PTCD3: variants seen among roughly 807,000 people sequenced by gnomAD.
PTCD3 encodes small ribosomal subunit protein mS39.
In PTCD3, 89 loss-of-function variants were observed where a neutral mutation model predicts 101.9. That is an observed-to-expected ratio of 0.87 (90% CI 0.74 to 1.04). PTCD3 has a LOEUF of 1.04. PTCD3 is among the 50% of genes least tolerant of loss of function. The pLI is 0.00. For missense variants in PTCD3, 870 were observed against 828.2 expected, an observed-to-expected ratio of 1.05 and a Z score of -0.62; for synonymous variants, 296 against 278.5, an observed-to-expected ratio of 1.06 and a Z score of -0.63.
At chr2:86,118,389 T>G (rs1215177878) in intron 6 of PTCD3, among the ~76,000 whole-genome samples, 1 of 152,182 alleles carries the variant, frequency 6.6e-6, no homozygotes, top group Admixed American at 6.5e-5. Context: ...ACTCATCATA[T>G]CTAAACTGCT....
intron 10 of PTCD3, 123 bp from the exon 11 acceptor site, chr2:86,125,332 A>G (rs921702512): frequency 2.6e-6 from 3 of 1,153,056 alleles, no homozygotes; most frequent in African/African-American, 1.5e-5. Context: ...CTAGAGTATG[A>G]GCTTCATGAG....
In PTCD3 at chr2:86,134,846, T is replaced by C. The variant is rs768310902; in HGVS notation, c.1637T>C (p.Val546Ala). The change falls in exon 21 of 24, where the codon GTG becomes GCG. Residue 546 changes from valine (V) to alanine (A), a missense_variant. Physicochemically the swap from Val to Ala is moderately conservative, Grantham distance 64 (BLOSUM62 0). Transcript: ENST00000254630. Reference sequence around the variant, plus strand: ...GACTCCTAAGCTTCTCAGCTTCAGGTGGCATTTGCTGACTGTGCTGCTGAT... The same window carrying C: ...GACTCCTAAGCTTCTCAGCTTCAGGCGGCATTTGCTGACTGTGCTGCTGAT... ...ARDKHPPELQ[V>A]AFADCAADIK... The C allele has an allele frequency of 3.6e-5, 58 of 1,614,094 alleles. 3 individuals are homozygous for C. In the South Asian group the frequency reaches 5.9e-4, roughly 17 times the overall value.
chr2:86,109,198 G>T (rs1014557597), intron 3 of PTCD3, among the ~76,000 whole-genome samples: 16 of 152,182 alleles, frequency 1.1e-4, no homozygotes, highest in African/African-American at 3.4e-4. Context: ...GAGGTCAGGA[G>T]ATTGAGACCA....
At chr2:86,130,813 T>C in intron 15 of PTCD3, 76 bp downstream of exon 15, 1 of 1,567,820 alleles carries the variant, frequency 6.4e-7, no homozygotes, top group Non-Finnish European at 8.6e-7. Context: ...GTTAGAGGCC[T>C]TGTGATCCCT....
chr2:86,123,374 GC>G (rs1674329405), intron 8 of PTCD3, among the ~76,000 whole-genome samples: 1 of 152,106 alleles, frequency 6.6e-6, no homozygotes, highest in African/African-American at 2.4e-5. Context: ...TATGGATCAA[GC>G]CAGATGTAGT....
At chr2:86,135,477 G>A (rs1674568476) in intron 21 of PTCD3, among the ~76,000 whole-genome samples, 1 of 152,158 alleles carries the variant, frequency 6.6e-6, no homozygotes, top group South Asian at 2.1e-4. Context: ...GTGCCACTGT[G>A]TTCTGGTTAT....
intron 3 of PTCD3, chr2:86,108,852 T>C (rs912757204): frequency 2.6e-5 from 7 of 268,502 alleles, no homozygotes; most frequent in Non-Finnish European, 4.2e-5. Flanking sequence ...TCAAGGAAGT[T>C]CTCTCATATG....
chr2:86,130,242 G>T (rs1286562451), intron 14 of PTCD3, among the ~76,000 whole-genome samples: 2 of 152,174 alleles, frequency 1.3e-5, no homozygotes, highest in Non-Finnish European at 2.9e-5. Flanking sequence ...GGAGGTTGCA[G>T]TGAGCCGAGA....
rs568848945 is a variant in PTCD3, at chr2:86,121,260, C to T, written c.539-219C>T. Among the ~76,000 whole-genome samples, 17 of 152,252 alleles carry T rather than the reference C, an allele frequency of 1.1e-4. No individual in the cohort carries two copies. The South Asian group carries it at 3.5e-3, about 32-fold the overall frequency. On this transcript the variant is annotated intron_variant, in intron 7 of 23. Transcript: ENST00000254630. ...CAGGCCCAAACTTCATCTTGTGTTC[C>T]AATCTTCTACGTCAAATTACATGGT...
chr2:86,137,368 T>C (rs1674605973), intron 23 of PTCD3, 101 bp from the exon 24 acceptor site: 12 of 1,509,554 alleles, frequency 7.9e-6, no homozygotes, highest in Non-Finnish European at 9.8e-6. Context: ...TCCCTTTTTC[T>C]GATTTCAAAA....
At chr2:86,118,839 G>T in intron 6 of PTCD3, 82 bp from the exon 7 acceptor site, 5 of 1,450,142 alleles carry the variant, frequency 3.4e-6, no homozygotes, top group Middle Eastern at 2.4e-4. Flanking sequence ...TGGTATGTTG[G>T]TGATAAAAGT....
At chr2:86,129,244 A>T (rs1452353741) in intron 14 of PTCD3, among the ~76,000 whole-genome samples, 1 of 152,116 alleles carries the variant, frequency 6.6e-6, no homozygotes, top group Non-Finnish European at 1.5e-5. Context: ...AACTCTCATC[A>T]CTGGTTCAAT....
rs1002920717 is a variant in PTCD3 at position 86,140,243 on chromosome 2, A to C, written c.*2684A>C. On this transcript the variant is annotated 3_prime_UTR_variant, in exon 24 of 24. Coordinates refer to ENST00000254630, the MANE Select transcript of PTCD3 (RefSeq NM_017952.6). ...ACCTCAAAGCAAAAAAAAAAAAAAA[A>C]AAACCAGTTAGCTGCTATATAAACA... 6.6e-6 allele frequency: 1 copy of C among 152,134 alleles called. No homozygotes were observed. Among genetic ancestry groups the C allele is most frequent in the Non-Finnish European group, 1.5e-5 (1 of 68,046 alleles). 9.4% of individuals were successfully genotyped at this position (152,134 alleles called of 1,614,324 possible). A position where few individuals can be genotyped will look rare whatever the true frequency, so the allele number is the denominator to read the frequency against.
intron 12 of PTCD3, among the ~76,000 whole-genome samples, chr2:86,126,090 C>T (rs949267496): frequency 2.0e-5 from 3 of 151,932 alleles, no homozygotes; most frequent in Admixed American, 6.6e-5. Flanking sequence ...ATTAGCTGGG[C>T]GTGGTGGTGC....
chr2:86,125,700 G>A, intron 11 of PTCD3, 95 bp from the exon 12 acceptor site: 1 of 1,089,698 alleles, frequency 9.2e-7, no homozygotes, highest in East Asian at 2.4e-5. Flanking sequence ...CATGTGATTA[G>A]TCAAGGGACA....
chr2:86,115,910 T>A (rs915631270), intron 4 of PTCD3, among the ~76,000 whole-genome samples: 1 of 152,132 alleles, frequency 6.6e-6, no homozygotes, highest in Non-Finnish European at 1.5e-5. Flanking sequence ...TGACCTTGCT[T>A]TGGAGGAAAT....
intron 14 of PTCD3, among the ~76,000 whole-genome samples, chr2:86,128,654 C>T (rs569706554): frequency 3.3e-5 from 5 of 152,084 alleles, no homozygotes; most frequent in Non-Finnish European, 5.9e-5. Flanking sequence ...TATTGTGAAG[C>T]GTTTTGGGAG....
At chr2:86,126,668 C>T (rs1674397839) in intron 12 of PTCD3, among the ~76,000 whole-genome samples, 1 of 151,918 alleles carries the variant, frequency 6.6e-6, no homozygotes, top group South Asian at 2.1e-4. Context: ...AACCCCGTCT[C>T]TACTACAAAA....
rs1020494498 is a variant in PTCD3 at position 86,125,592 on chromosome 2, C to T, written c.865+77C>T. ...GTCTGTGTGAAGGCTTTGGATCGTG[C>T]CTCAGTCATTGGCCTACACTTTACC... On this transcript the variant is annotated intron_variant, in intron 11 of 23. Coordinates refer to ENST00000254630, the MANE Select transcript of PTCD3 (RefSeq NM_017952.6). The T allele has an allele frequency of 2.8e-5, 40 of 1,423,570 alleles. No homozygotes were observed. In the African/African-American group the frequency reaches 4.8e-4, roughly 17 times the overall value. The allele number at this position is 1,423,570 out of a possible 1,614,324, so 88.2% of individuals were successfully genotyped here.
Sources: gnomAD v4.1 joint callset for allele counts (sites outside exome capture counted in the v4.1 genomes callset) on GRCh38, gnomAD v4.1.1 for gene constraint, MANE v1.5 for transcripts, NCBI Gene and HGNC (gene_info 2026-07-23, HGNC 2026-07-21) for gene names.